The following DNAH14 variants were observed in gnomAD, a reference collection of about 807,000 sequenced individuals.
DNAH14 encodes the protein dynein axonemal heavy chain 14, also known as axonemal beta dynein heavy chain 14.
A neutral mutation model predicts 520.9 loss-of-function variants in DNAH14; 478 were observed. The ratio of observed to expected loss-of-function variants is 0.92; its 90% CI spans 0.85 to 0.99. The LOEUF (loss-of-function observed/expected upper bound fraction) is 0.99. Among genes scored for constraint, DNAH14 ranks in the 50% least tolerant of loss-of-function variants. DNAH14 has a pLI of 0.00. For synonymous variants in DNAH14, 1,581 were observed against 1,757.2 expected, an observed-to-expected ratio of 0.90 and a Z score of 2.51; for missense variants, 4,831 against 5,234.5, an observed-to-expected ratio of 0.92 and a Z score of 2.38.
At chr1:225,165,010 C>T (rs991586652) in intron 35 of DNAH14, among the ~76,000 whole-genome samples, 1 of 152,034 alleles carries the variant, frequency 6.6e-6, no homozygotes, top group Non-Finnish European at 1.5e-5. Flanking sequence ...AGTACTTCTT[C>T]CAAGAGAGTT....
chr1:225,390,312 C>G (rs758008209), intron 83 of DNAH14, among the ~76,000 whole-genome samples: 8 of 152,104 alleles, frequency 5.3e-5, no homozygotes, highest in Non-Finnish European at 1.2e-4. Flanking sequence ...CTTACCTGCT[C>G]AACATAAACG....
At chr1:225,231,418 G>T (rs2091101295) in intron 42 of DNAH14, among the ~76,000 whole-genome samples, 2 of 152,090 alleles carry the variant, frequency 1.3e-5, no homozygotes, top group South Asian at 2.1e-4. Context: ...AAATTGAAAT[G>T]AATTTATTGC....
rs545358338 is a variant in DNAH14, at chr1:225,157,140, T to C, written c.5274-2174T>C. 2.6e-5 allele frequency among the ~76,000 whole-genome samples: 4 copies of C among 152,342 alleles called. No individual in the cohort carries two copies. In the South Asian group the frequency reaches 8.3e-4, roughly 32 times the overall value. On this transcript the variant is annotated intron_variant, in intron 34 of 85. Coordinates refer to ENST00000682510, the MANE Select transcript of DNAH14 (RefSeq NM_001367479.1). Reference sequence around the variant, plus strand: ...AGGGAAAAAGGCAGTTTTCTCCCTCTTTCCTTTAAAATAATTTTCCAAATC... The same window carrying C: ...AGGGAAAAAGGCAGTTTTCTCCCTCCTTCCTTTAAAATAATTTTCCAAATC...
chr1:225,182,961 T>C (rs2149301817), intron 36 of DNAH14, among the ~76,000 whole-genome samples: 1 of 152,266 alleles, frequency 6.6e-6, no homozygotes, highest in South Asian at 2.1e-4. Context: ...TCTGGCAGGC[T>C]GGGGGATTTG....
At chr1:225,021,933 A>G (rs1182601747) in intron 10 of DNAH14, among the ~76,000 whole-genome samples, 1 of 152,216 alleles carries the variant, frequency 6.6e-6, no homozygotes, top group Non-Finnish European at 1.5e-5. Flanking sequence ...AAACAGATAC[A>G]TAGACCAATG....
At chr1:224,988,536 C>T (rs550494826) in intron 8 of DNAH14, among the ~76,000 whole-genome samples, 1 of 152,316 alleles carries the variant, frequency 6.6e-6, no homozygotes, top group East Asian at 1.9e-4. Context: ...TGAATTAGTT[C>T]AACCATTGTG....
chr1:225,374,624 A>G, intron 77 of DNAH14, 64 bp from the exon 78 acceptor site: 2 of 1,350,718 alleles, frequency 1.5e-6, no homozygotes, highest in South Asian at 3.4e-5. Context: ...TTTATGTTAA[A>G]AAGTCAGAGT....
At chr1:225,234,756 T>C (rs1054070009) in intron 42 of DNAH14, among the ~76,000 whole-genome samples, 4 of 152,224 alleles carry the variant, frequency 2.6e-5, no homozygotes, top group Admixed American at 2.6e-4. Context: ...GAATAGGTCC[T>C]TCACTTCCCT....
At chr1:225,373,635 C>A (rs2095647323) in intron 77 of DNAH14, among the ~76,000 whole-genome samples, 1 of 152,140 alleles carries the variant, frequency 6.6e-6, no homozygotes, top group African/African-American at 2.4e-5. Context: ...TAAGGATACA[C>A]AAGAATTCTG....
chr1:224,949,802 G>A (rs1417037199), intron 1 of DNAH14, among the ~76,000 whole-genome samples: 1 of 152,078 alleles, frequency 6.6e-6, no homozygotes, highest in Non-Finnish European at 1.5e-5. Flanking sequence ...TGTGAGCTGT[G>A]CATTTTAGAT....
At chr1:224,988,793 G>A (rs974198939) in intron 8 of DNAH14, among the ~76,000 whole-genome samples, 4 of 152,146 alleles carry the variant, frequency 2.6e-5, no homozygotes, top group South Asian at 2.1e-4. Flanking sequence ...CTACAGGCAT[G>A]TGCCACCATG....
chr1:225,117,017 T>C (rs1000217369), intron 23 of DNAH14, among the ~76,000 whole-genome samples: 5 of 152,056 alleles, frequency 3.3e-5, no homozygotes, highest in South Asian at 2.1e-4. Flanking sequence ...CTTATATTGT[T>C]ATAATGAGAG....
chr1:225,293,969 TG>T (rs1361309166), intron 55 of DNAH14, among the ~76,000 whole-genome samples: 3 of 152,294 alleles, frequency 2.0e-5, no homozygotes, highest in Admixed American at 2.0e-4. Context: ...GAATTTCCAA[TG>T]CTATGTTGAA....
intron 34 of DNAH14, among the ~76,000 whole-genome samples, chr1:225,158,555 C>T (rs536539296): frequency 3.3e-5 from 5 of 152,236 alleles, no homozygotes; most frequent in African/African-American, 1.2e-4. Context: ...CTTGAGTCAC[C>T]GTGTCCAAGT....
chr1:225,235,164 T>A (rs1412317510), intron 42 of DNAH14, among the ~76,000 whole-genome samples: 1 of 152,198 alleles, frequency 6.6e-6, no homozygotes, highest in African/African-American at 2.4e-5. Flanking sequence ...CCATTCAGTA[T>A]GATATTGGCT....
At chr1:224,962,796 A>T (rs930837453) in intron 4 of DNAH14, among the ~76,000 whole-genome samples, 4 of 152,096 alleles carry the variant, frequency 2.6e-5, no homozygotes, top group Non-Finnish European at 4.4e-5. Context: ...CTTATATTTT[A>T]CTATTTATTC....
At chr1:225,007,119 G>A (rs2064236791) in intron 9 of DNAH14, among the ~76,000 whole-genome samples, 1 of 152,146 alleles carries the variant, frequency 6.6e-6, no homozygotes, top group South Asian at 2.1e-4. Flanking sequence ...TTCTGGGATT[G>A]GTGGATTCTC....
At chr1:225,304,785 C>G in intron 57 of DNAH14, 123 bp from the exon 58 acceptor site, 1 of 937,168 alleles carries the variant, frequency 1.1e-6, no homozygotes, top group Middle Eastern at 3.5e-4. Context: ...TCCGGGAGCT[C>G]TCTCTACATC....
chr1:225,001,218 A>T (rs983690750), intron 8 of DNAH14, among the ~76,000 whole-genome samples: 1 of 151,828 alleles, frequency 6.6e-6, no homozygotes, highest in Non-Finnish European at 1.5e-5. Context: ...CCACCATGTC[A>T]TTTCTAGCCA....
Sources: gnomAD v4.1 joint callset for allele counts (sites outside exome capture counted in the v4.1 genomes callset) on GRCh38, gnomAD v4.1.1 for gene constraint, MANE v1.5 for transcripts, NCBI Gene and HGNC (gene_info 2026-07-23, HGNC 2026-07-21) for gene names.